The following MIA2 variants were observed in gnomAD, a reference collection of about 807,000 sequenced individuals.
MIA2 encodes the protein MIA SH3 domain ER export factor 2.
In MIA2, 127 loss-of-function variants were observed where a neutral mutation model predicts 167.8. The ratio of observed to expected loss-of-function variants is 0.76; its 90% confidence interval spans 0.66 to 0.88. The LOEUF is 0.88. Among genes scored for constraint, MIA2 ranks in the 40% least tolerant of loss-of-function variants. The pLI is 0.00. For synonymous variants in MIA2, 552 were observed against 541.9 expected, an observed-to-expected ratio of 1.02 and a Z score of -0.26; for missense variants, 1,690 against 1,624.7, an observed-to-expected ratio of 1.04 and a Z score of -0.69.
chr14:39,345,818 C>G (rs2073112486), intron 25 of MIA2, 86 bp from the exon 26 acceptor site: 27 of 1,160,356 alleles, frequency 2.3e-5, no homozygotes, highest in Non-Finnish European at 3.3e-5. Context: ...GAATACAGGT[C>G]AAAAGTGTAA....
intron 26 of MIA2, 36 bp downstream of exon 26, chr14:39,346,062 T>C: frequency 6.3e-7 from 1 of 1,587,568 alleles, no homozygotes; most frequent in Non-Finnish European, 8.6e-7. Flanking sequence ...CTTTAAAAAT[T>C]TTGGTGGCAC....
chr14:39,240,551 A>G lies in MIA2; in HGVS notation c.250-10A>G. The G allele has an allele frequency of 1.3e-6, 2 of 1,599,294 alleles. No homozygotes were observed. Among genetic ancestry groups the G allele is most frequent in the Admixed American group, 3.4e-5 (2 of 59,590 alleles). On this transcript the variant is annotated splice_polypyrimidine_tract_variant and intron_variant, in intron 2 of 28. Coordinates refer to ENST00000640607, the MANE Select transcript of MIA2 (RefSeq NM_001329214.4). ...TCTTCCTCGATAATCTTTGTTCTTC[A>G]TTTTGACAGAAAGGAAAGGAGTTTG...
Position 39,288,466 on chromosome 14 carries a change from T to TTTG in MIA2, c.2131-2553_2131-2552insTTG, listed in dbSNP as rs2060204952. 6.4e-4 allele frequency among the ~76,000 whole-genome samples: 24 copies of TTTG among 37,750 alleles called. 1 individual carries two copies. Among genetic ancestry groups the TTTG allele is most frequent in the East Asian group, 4.3e-3 (6 of 1,382 alleles). The allele number at this position is 37,750 out of a possible 152,430, so 24.8% of individuals were successfully genotyped here. A position where few individuals can be genotyped will look rare whatever the true frequency, so the allele number is the denominator to read the frequency against. On this transcript the variant is annotated intron_variant, in intron 9 of 28. Coordinates refer to ENST00000640607, the MANE Select transcript of MIA2 (RefSeq NM_001329214.4). ...ATATATATATATATATATATATATA[T>TTTG]ATATATATATTTTTTTTTTTTTTTT...
intron 9 of MIA2, among the ~76,000 whole-genome samples, chr14:39,288,589 C>T (rs1174209937): frequency 6.7e-6 from 1 of 150,018 alleles, no homozygotes; most frequent in Admixed American, 6.7e-5. Flanking sequence ...ATTCTCCTGC[C>T]TCAGCCACCT....
intron 9 of MIA2, among the ~76,000 whole-genome samples, chr14:39,283,076 C>T (rs970683369): frequency 6.6e-6 from 1 of 152,192 alleles, no homozygotes. Context: ...AGGATCTCCA[C>T]CTTTTTATGG....
chr14:39,293,872 T>G (rs2061057604), intron 11 of MIA2, 128 bp from the exon 12 acceptor site: 2 of 704,778 alleles, frequency 2.8e-6, no homozygotes, highest in Non-Finnish European at 4.9e-6. Context: ...CTAAATAAAC[T>G]GAGAAGGTTT....
At chr14:39,357,290 C>G (rs1433723968) in intron 23 of MIA2, among the ~76,000 whole-genome samples, 3 of 152,240 alleles carry the variant, frequency 2.0e-5, no homozygotes, top group South Asian at 2.1e-4. Context: ...TGAATTGATC[C>G]CTTTACCATT....
chr14:39,258,132 C>T (rs2054906817), intron 6 of MIA2, among the ~76,000 whole-genome samples: 1 of 152,082 alleles, frequency 6.6e-6, no homozygotes, highest in Non-Finnish European at 1.5e-5. Context: ...TGTTGGCCTG[C>T]CTTGCTAGGT....
chr14:39,256,394 C>T (rs1023740520), intron 6 of MIA2, among the ~76,000 whole-genome samples: 3 of 152,052 alleles, frequency 2.0e-5, no homozygotes, highest in African/African-American at 7.2e-5. Context: ...TCCTTTTCTT[C>T]TTGTCTAAAT....
intron 14 of MIA2, among the ~76,000 whole-genome samples, chr14:39,301,858 A>C (rs986144734): frequency 6.6e-6 from 1 of 152,232 alleles, no homozygotes; most frequent in Non-Finnish European, 1.5e-5. Context: ...CATATAAAAA[A>C]TATTTTACTA....
At chr14:39,317,402 G>A (rs1364001377) in intron 21 of MIA2, among the ~76,000 whole-genome samples, 1 of 151,996 alleles carries the variant, frequency 6.6e-6, no homozygotes. Flanking sequence ...AGTTTAACTT[G>A]TTTTTTAGGG....
intron 23 of MIA2, among the ~76,000 whole-genome samples, chr14:39,367,460 C>T (rs1226007375): frequency 6.6e-6 from 1 of 152,200 alleles, no homozygotes; most frequent in Non-Finnish European, 1.5e-5. Flanking sequence ...TAGAGCAATG[C>T]TAACGTGCTA....
At chr14:39,301,227 A>G (rs1476310032) in intron 14 of MIA2, among the ~76,000 whole-genome samples, 1 of 151,618 alleles carries the variant, frequency 6.6e-6, no homozygotes, top group Non-Finnish European at 1.5e-5. Context: ...TGCCTGGCTA[A>G]TTTTTTTTGT....
At chr14:39,312,770 A>C (rs1351531836) in intron 18 of MIA2, among the ~76,000 whole-genome samples, 1 of 152,166 alleles carries the variant, frequency 6.6e-6, no homozygotes, top group African/African-American at 2.4e-5. Flanking sequence ...GTCTGAGAAC[A>C]GTTTTTGGCA....
At chr14:39,298,443 A>ATATATATATATGTATATATATATAT (rs1372100362) in intron 13 of MIA2, among the ~76,000 whole-genome samples, 1 of 50,056 alleles carries the variant, frequency 2.0e-5, no homozygotes, top group East Asian at 8.9e-4. Flanking sequence ...ATATATATAT[A>ATATATATATATGTATATATATATAT]AAGATTAGTT....
intron 23 of MIA2, among the ~76,000 whole-genome samples, chr14:39,364,780 T>C (rs1048443186): frequency 7.2e-5 from 11 of 152,116 alleles, no homozygotes; most frequent in African/African-American, 2.4e-4. Context: ...ATTATCTCAT[T>C]GTCTCCTGGG....
At position 39,285,450 on chromosome 14, in the gene MIA2, CG is replaced by C. The variant is rs1407924227; in HGVS notation, c.2131-5565del. ...CTGACCCCCCCACCTTCCTCCCGGA[CG>C]GGGCGGCTGGCCGGGCGGGGGCTGA... On this transcript the variant is annotated intron_variant, in intron 9 of 28. Coordinates refer to ENST00000640607, the MANE Select transcript of MIA2 (RefSeq NM_001329214.4). 5.9e-5 allele frequency among the ~76,000 whole-genome samples: 8 copies of C among 136,286 alleles called. 2 individuals are homozygous for C. Among genetic ancestry groups the C allele is most frequent in the Admixed American group, 1.4e-4 (2 of 14,118 alleles). The allele number at this position is 136,286 out of a possible 152,430, so 89.4% of individuals were successfully genotyped here.
chr14:39,329,590 T>C (rs546969006), intron 25 of MIA2, among the ~76,000 whole-genome samples: 15 of 152,214 alleles, frequency 9.9e-5, no homozygotes, highest in South Asian at 4.2e-4. Flanking sequence ...ATATTGCCTG[T>C]GAGTTTGTCA....
intron 23 of MIA2, among the ~76,000 whole-genome samples, chr14:39,373,933 G>T (rs975992602): frequency 3.3e-5 from 5 of 152,184 alleles, no homozygotes; most frequent in African/African-American, 9.7e-5. Flanking sequence ...AGTCCCACAT[G>T]GGAGAATCAC....
Sources: gnomAD v4.1 joint callset for allele counts (sites outside exome capture counted in the v4.1 genomes callset) on GRCh38, gnomAD v4.1.1 for gene constraint, MANE v1.5 for transcripts, NCBI Gene and HGNC (gene_info 2026-07-23, HGNC 2026-07-21) for gene names.